GALNT17: variants seen among roughly 807,000 people sequenced by gnomAD.
The protein encoded by GALNT17 is polypeptide N-acetylgalactosaminyltransferase 17, also known as UDP-GalNAc:polypeptide N-acetylgalactosaminyltransferase-like 3.
GALNT17 carries 29 observed loss-of-function variants against 63.7 expected under a neutral mutation model. The observed-to-expected ratio is 0.46, with a 90% CI of 0.34 to 0.62. The LOEUF is 0.62. Ranked by LOEUF, GALNT17 falls within the 20% of genes least tolerant of loss-of-function variation. The pLI is 0.01. For synonymous variants in GALNT17, 305 were observed against 318.3 expected (o/e 0.96, Z 0.45); for missense variants, 603 against 799.6 (o/e 0.75, Z 2.97).
At chr7:71,401,479 C>T (rs1173773521) in intron 3 of GALNT17, among the ~76,000 whole-genome samples, 1 of 152,106 alleles carries the variant, frequency 6.6e-6, no homozygotes, top group Non-Finnish European at 1.5e-5. Context: ...GCAGGGGTCC[C>T]CAACCCCCCA....
At chr7:71,586,792 C>A (rs996751099) in intron 6 of GALNT17, among the ~76,000 whole-genome samples, 1 of 151,412 alleles carries the variant, frequency 6.6e-6, no homozygotes, top group African/African-American at 2.4e-5. Flanking sequence ...TTAATATGTT[C>A]ATATAATTTG....
chr7:71,578,763 T>C (rs1237440295), intron 6 of GALNT17, among the ~76,000 whole-genome samples: 2 of 152,168 alleles, frequency 1.3e-5, no homozygotes, highest in Non-Finnish European at 2.9e-5. Flanking sequence ...GCTTCCCTCT[T>C]GTCTACAGCT....
intron 2 of GALNT17, among the ~76,000 whole-genome samples, chr7:71,368,921 T>TG (rs112526210): frequency 0.013 from 1,600 of 119,654 alleles, 7 homozygotes; most frequent in South Asian, 0.031. Flanking sequence ...TCCTCGGGGG[T>TG]GGGGGGGGGT....
rs868508396 is a variant in GALNT17 at position 71,274,467 on chromosome 7, G to A, written c.239-61083G>A. Among the ~76,000 whole-genome samples, 36 of 152,078 alleles carry A rather than the reference G, an allele frequency of 2.4e-4. 1 individual carries two copies. Among genetic ancestry groups the A allele is most frequent in the South Asian group, 1.7e-3 (8 of 4,802 alleles). On this transcript the variant is annotated intron_variant, in intron 1 of 10. Transcript: ENST00000333538. ...GCCAATTTTAAAATTTTTTGTAGAGGCAGGATCTTGCTATGTTGCCCAGGC... is the reference window on the plus strand; with the variant it reads ...GCCAATTTTAAAATTTTTTGTAGAGACAGGATCTTGCTATGTTGCCCAGGC...
chr7:71,216,769 C>G (rs1184464167), intron 1 of GALNT17, among the ~76,000 whole-genome samples: 2 of 152,016 alleles, frequency 1.3e-5, no homozygotes, highest in South Asian at 2.1e-4. Flanking sequence ...CACAGAGACA[C>G]ACAAATACAC....
At chr7:71,566,929 T>C (rs1789358295) in intron 5 of GALNT17, among the ~76,000 whole-genome samples, 1 of 152,078 alleles carries the variant, frequency 6.6e-6, no homozygotes, top group Admixed American at 6.6e-5. Context: ...CTCCTCCTTC[T>C]GCTCAATCAT....
intron 5 of GALNT17, among the ~76,000 whole-genome samples, chr7:71,423,076 A>G (rs987582864): frequency 6.6e-6 from 1 of 152,148 alleles, no homozygotes; most frequent in Admixed American, 6.5e-5. Flanking sequence ...CTCAACGTCC[A>G]GCCGCTTGTG....
intron 5 of GALNT17, among the ~76,000 whole-genome samples, chr7:71,540,496 C>A (rs1420038900): frequency 6.6e-6 from 1 of 151,918 alleles, no homozygotes; most frequent in East Asian, 1.9e-4. Context: ...ACTGTGTGTC[C>A]CCGTGGTGTG....
intron 1 of GALNT17, among the ~76,000 whole-genome samples, chr7:71,285,629 A>G (rs1348953781): frequency 1.3e-5 from 2 of 152,206 alleles, no homozygotes; most frequent in East Asian, 3.9e-4. Flanking sequence ...TAAAGCTCTC[A>G]GGAATGGGAC....
At chr7:71,479,952 GTTTTGCTC>G (rs1787787029) in intron 5 of GALNT17, among the ~76,000 whole-genome samples, 1 of 152,106 alleles carries the variant, frequency 6.6e-6, no homozygotes, top group African/African-American at 2.4e-5. Context: ...CATGCAAAAG[GTTTTGCTC>G]AGCCTCTGGA....
chr7:71,181,001 T>G (rs1788723947), intron 1 of GALNT17, among the ~76,000 whole-genome samples: 1 of 152,138 alleles, frequency 6.6e-6, no homozygotes, highest in African/African-American at 2.4e-5. Context: ...ACTCCTGTAA[T>G]CCCGGCACTT....
chr7:71,585,612 A>G (rs929093982), intron 6 of GALNT17, among the ~76,000 whole-genome samples: 3 of 152,108 alleles, frequency 2.0e-5, no homozygotes, highest in African/African-American at 7.2e-5. Context: ...TTTTTCCTCA[A>G]TAATATGGAC....
At chr7:71,288,945 A>G (rs1057511458) in intron 1 of GALNT17, among the ~76,000 whole-genome samples, 7 of 152,238 alleles carry the variant, frequency 4.6e-5, no homozygotes, top group Admixed American at 4.6e-4. Context: ...AAAACCATCA[A>G]CTACATAATT....
intron 1 of GALNT17, among the ~76,000 whole-genome samples, chr7:71,262,842 A>G (rs1007104641): frequency 6.6e-6 from 1 of 151,526 alleles, no homozygotes; most frequent in African/African-American, 2.4e-5. Flanking sequence ...CACCAAGCCC[A>G]GCTAATTTTT....
intron 1 of GALNT17, among the ~76,000 whole-genome samples, chr7:71,175,585 A>C (rs4719082): frequency 0.26 from 40,142 of 152,058 alleles, 9,818 homozygotes; most frequent in African/African-American, 0.66. Context: ...GGGAAGACTC[A>C]CTGAGAGTCT....
At position 71,342,817 on chromosome 7, in the gene GALNT17, G is replaced by T. The variant is rs532481611; in HGVS notation, c.422+7084G>T. ...AATCATTGTTATTTAGCAACATGGA[G>T]ATTACAGGAGTTGAAGGAGACTGTG... is the stretch of plus-strand genomic sequence containing the variant. On this transcript the variant is annotated intron_variant, in intron 2 of 10. Coordinates refer to ENST00000333538, the MANE Select transcript of GALNT17 (RefSeq NM_022479.3). Among the ~76,000 whole-genome samples, 6 of 152,184 alleles carry T rather than the reference G, an allele frequency of 3.9e-5. 1 individual carries two copies. The highest frequency in any genetic ancestry group is 3.9e-4 in the Admixed American group (6 of 15,274).
At chr7:71,468,575 C>A (rs1272480445) in intron 5 of GALNT17, among the ~76,000 whole-genome samples, 1 of 151,974 alleles carries the variant, frequency 6.6e-6, no homozygotes, top group Admixed American at 6.6e-5. Flanking sequence ...CACCACCATG[C>A]CTGGCTAATT....
intron 6 of GALNT17, among the ~76,000 whole-genome samples, chr7:71,589,654 A>G (rs1046695416): frequency 1.3e-5 from 2 of 152,158 alleles, no homozygotes; most frequent in Admixed American, 6.5e-5. Context: ...CGCTTTATAA[A>G]CATTACATTA....
chr7:71,258,648 C>G (rs1790329205), intron 1 of GALNT17, among the ~76,000 whole-genome samples: 1 of 152,180 alleles, frequency 6.6e-6, no homozygotes, highest in South Asian at 2.1e-4. Context: ...ACCATCTGCC[C>G]TGAATGCTTG....
Sources: gnomAD v4.1 joint callset for allele counts (sites outside exome capture counted in the v4.1 genomes callset) on GRCh38, gnomAD v4.1.1 for gene constraint, MANE v1.5 for transcripts, NCBI Gene and HGNC (gene_info 2026-07-23, HGNC 2026-07-21) for gene names.